EXOC6: variants seen among roughly 807,000 people sequenced by gnomAD.
EXOC6 encodes SEC15-like 1.
A neutral mutation model predicts 112.5 loss-of-function variants in EXOC6; 60 were observed. The observed-to-expected ratio is 0.53, with a 90% CI of 0.43 to 0.66. EXOC6 has a LOEUF of 0.66. Among genes scored for constraint, EXOC6 ranks in the 30% least tolerant of loss-of-function variants. The pLI is 0.00. For synonymous variants in EXOC6, 295 were observed against 308.0 expected (o/e 0.96, Z 0.44); for missense variants, 855 against 957.1 (o/e 0.89, Z 1.41).
chr10:93,000,620 C>T (rs914025204), intron 19 of EXOC6, among the ~76,000 whole-genome samples: 5 of 152,174 alleles, frequency 3.3e-5, no homozygotes, highest in Admixed American at 2.6e-4. Flanking sequence ...AGACAAACCA[C>T]GGAAGACAAC....
At chr10:93,040,697 A>G (rs1177915134) in intron 20 of EXOC6, among the ~76,000 whole-genome samples, 1 of 152,122 alleles carries the variant, frequency 6.6e-6, no homozygotes, top group East Asian at 1.9e-4. Context: ...GCTTTGCCAC[A>G]CTGCTGAAAT....
intron 11 of EXOC6, among the ~76,000 whole-genome samples, chr10:92,934,713 G>A (rs11818870): frequency 0.011 from 1,621 of 152,176 alleles, 33 homozygotes; most frequent in African/African-American, 0.037. Flanking sequence ...TCTCTGAAAA[G>A]CACCATGAAG....
At chr10:93,022,680 A>T (rs1844840717) in intron 20 of EXOC6, among the ~76,000 whole-genome samples, 1 of 152,174 alleles carries the variant, frequency 6.6e-6, no homozygotes, top group Admixed American at 6.5e-5. Flanking sequence ...ATTTGTTTTT[A>T]AAATTAGTTT....
chr10:92,874,621 A>C (rs1848607117), intron 1 of EXOC6, among the ~76,000 whole-genome samples: 1 of 152,194 alleles, frequency 6.6e-6, no homozygotes, highest in Non-Finnish European at 1.5e-5. Flanking sequence ...CAGGATTTAA[A>C]AAAAATTTGT....
At chr10:92,841,183 A>T (rs377159572) in intron 1 of EXOC6, among the ~76,000 whole-genome samples, 2 of 152,128 alleles carry the variant, frequency 1.3e-5, no homozygotes, top group Admixed American at 1.3e-4. Context: ...TGAAACTTTG[A>T]TTAACATCTT....
chr10:92,982,277 A>G (rs531280788), intron 18 of EXOC6, among the ~76,000 whole-genome samples: 2 of 152,292 alleles, frequency 1.3e-5, no homozygotes, highest in Admixed American at 6.5e-5. Context: ...ATCTATTAAC[A>G]GGAGTATTCC....
At chr10:92,959,152 G>A (rs1853852544) in intron 17 of EXOC6, among the ~76,000 whole-genome samples, 1 of 152,056 alleles carries the variant, frequency 6.6e-6, no homozygotes, top group South Asian at 2.1e-4. Flanking sequence ...ACAAACAACA[G>A]ACAAATAGAT....
At chr10:92,984,436 A>G (rs1186352628) in intron 18 of EXOC6, among the ~76,000 whole-genome samples, 1 of 151,996 alleles carries the variant, frequency 6.6e-6, no homozygotes. Context: ...GCTCTCTAGA[A>G]TTGGGGCATA....
chr10:92,967,172 G>A (rs1842103244), intron 17 of EXOC6, among the ~76,000 whole-genome samples: 1 of 142,538 alleles, frequency 7.0e-6, no homozygotes, highest in Non-Finnish European at 1.6e-5. Flanking sequence ...TGAGTTCATT[G>A]TAGATTCTGG....
At chr10:92,917,917 C>T (rs759024081) in intron 7 of EXOC6, among the ~76,000 whole-genome samples, 3 of 152,068 alleles carry the variant, frequency 2.0e-5, no homozygotes, top group Non-Finnish European at 2.9e-5. Context: ...TTTGGGAGGC[C>T]GAGGGGGGCA....
intron 5 of EXOC6, among the ~76,000 whole-genome samples, chr10:92,908,528 C>T (rs1850569185): frequency 6.6e-6 from 1 of 152,134 alleles, no homozygotes; most frequent in African/African-American, 2.4e-5. Context: ...CTACCTAACT[C>T]TCAAATAGAT....
In EXOC6 at chr10:93,014,227, A is replaced by AG; in HGVS notation, c.2134dup (p.Asp712GlyfsTer9). On this transcript the variant is annotated frameshift_variant, in exon 20 of 22. Transcript: ENST00000260762. LOFTEE classifies it high-confidence loss of function. ...AGCTCTGAGCCTGTGCCAGGATTCC[A>AG]GGGGGATACCCTGCAGCTAGCATTC... The AG allele has an allele frequency of 6.2e-7, 1 of 1,613,398 alleles. No individual in the cohort carries two copies. The highest frequency in any genetic ancestry group is 8.5e-7 in the Non-Finnish European group (1 of 1,179,706).
chr10:92,848,482 C>T (rs1029073468), upstream of EXOC6: 9 of 1,260,756 alleles, frequency 7.1e-6, no homozygotes, highest in Non-Finnish European at 9.2e-6. Flanking sequence ...GGAGCTCGCC[C>T]CCGTCGTTCC....
chr10:92,872,838 T>C (rs533539460), intron 1 of EXOC6, among the ~76,000 whole-genome samples: 4 of 152,292 alleles, frequency 2.6e-5, no homozygotes, highest in African/African-American at 9.6e-5. Context: ...TTTGTTTTGC[T>C]GTGAAGTCAG....
At chr10:93,037,287 A>T (rs921073282) in intron 20 of EXOC6, among the ~76,000 whole-genome samples, 8 of 151,202 alleles carry the variant, frequency 5.3e-5, no homozygotes, top group Middle Eastern at 3.2e-3. Flanking sequence ...CTACAGGTGC[A>T]TGCCACCACA....
intron 19 of EXOC6, among the ~76,000 whole-genome samples, chr10:93,003,814 G>T (rs148930927): frequency 1.3e-5 from 2 of 152,214 alleles, no homozygotes; most frequent in Non-Finnish European, 2.9e-5. Context: ...TAAAATTTGA[G>T]CTGGGTAAAA....
intron 19 of EXOC6, among the ~76,000 whole-genome samples, chr10:93,000,147 G>C (rs1843694659): frequency 6.6e-6 from 1 of 152,178 alleles, no homozygotes; most frequent in Non-Finnish European, 1.5e-5. Context: ...GGTAAGAGGG[G>C]ATTACTGTAT....
At chr10:92,904,354 T>G (rs925529591) in intron 5 of EXOC6, among the ~76,000 whole-genome samples, 2 of 152,076 alleles carry the variant, frequency 1.3e-5, no homozygotes, top group Non-Finnish European at 2.9e-5. Context: ...AAGACTATGT[T>G]TAGTTTTGTA....
At chr10:92,833,192 G>C (rs150473728), upstream of EXOC6, among the ~76,000 whole-genome samples, 14 of 152,268 alleles carry the variant, frequency 9.2e-5, no homozygotes, top group East Asian at 2.5e-3. Context: ...CAGTCATTTA[G>C]TATTGCTCTT....
Sources: allele counts gnomAD v4.1 joint callset (sites outside exome capture counted in the v4.1 genomes callset), GRCh38; gene constraint gnomAD v4.1.1; transcripts MANE v1.5; gene names NCBI Gene and HGNC (gene_info 2026-07-23, HGNC 2026-07-21).